Variants in PCBP3 observed in about 807,000 individuals in gnomAD.
PCBP3 encodes poly(rC) binding protein 3, also known as poly(rC)-binding protein 3.
Under a neutral mutation model 52.7 loss-of-function variants are expected in PCBP3, and 25 were observed. That is an observed-to-expected ratio of 0.47 (90% confidence interval 0.35 to 0.66). The LOEUF is 0.66. Among genes scored for constraint, PCBP3 ranks in the 30% least tolerant of loss-of-function variants. The pLI, the probability that PCBP3 is intolerant of heterozygous loss-of-function variation, is 0.01. For synonymous variants in PCBP3, 162 were observed against 183.0 expected (o/e 0.89, Z 0.93); for missense variants, 391 against 490.3 (o/e 0.80, Z 1.91).
chr21:45,814,216 T>C (rs2092762194), intron 4 of PCBP3, among the ~76,000 whole-genome samples: 1 of 152,224 alleles, frequency 6.6e-6, no homozygotes, highest in Non-Finnish European at 1.5e-5. Flanking sequence ...CACACCTGGG[T>C]AGGGCATTTA....
intron 4 of PCBP3, among the ~76,000 whole-genome samples, chr21:45,764,392 G>C (rs866757292): frequency 6.6e-6 from 1 of 152,228 alleles, no homozygotes; most frequent in South Asian, 2.1e-4. Flanking sequence ...AAAGTGCTGG[G>C]ATTACAGGCG....
chr21:45,672,795 T>C (rs1475044715), intron 2 of PCBP3, among the ~76,000 whole-genome samples: 1 of 152,188 alleles, frequency 6.6e-6, no homozygotes, highest in Admixed American at 6.5e-5. Flanking sequence ...TATCTTACTC[T>C]TGGGGAGCAG....
chr21:45,890,687 G>A lies in PCBP3; in HGVS notation c.11-5521G>A, dbSNP rs2095634094. ...AACCTAGAACTCTGCATTGCTGAGG[G>A]GAATATAGATAATAGAACCTGGAAC... On this transcript the variant is annotated intron_variant, in intron 5 of 17. Transcript: ENST00000681687. Among the ~76,000 whole-genome samples, 4 of 151,678 alleles carry A rather than the reference G, an allele frequency of 2.6e-5. No homozygotes were observed. The South Asian group carries it at 8.4e-4, about 32-fold the overall frequency.
At chr21:45,766,444 C>T (rs568724914) in intron 4 of PCBP3, among the ~76,000 whole-genome samples, 3 of 152,344 alleles carry the variant, frequency 2.0e-5, no homozygotes, top group Admixed American at 1.3e-4. Context: ...GTCTCTCTCT[C>T]TGCACCCATG....
intron 2 of PCBP3, among the ~76,000 whole-genome samples, chr21:45,733,580 C>T (rs1175868637): frequency 6.6e-6 from 1 of 151,372 alleles, no homozygotes; most frequent in Non-Finnish European, 1.5e-5. Context: ...CATGAGCCAC[C>T]GTGCCTGGCC....
At chr21:45,773,548 A>C (rs2090036297) in intron 4 of PCBP3, among the ~76,000 whole-genome samples, 2 of 152,158 alleles carry the variant, frequency 1.3e-5, no homozygotes, top group Non-Finnish European at 2.9e-5. Flanking sequence ...TTAAACCAGA[A>C]GCTTTGTGGT....
At chr21:45,770,091 A>G (rs978752902) in intron 4 of PCBP3, among the ~76,000 whole-genome samples, 3 of 152,196 alleles carry the variant, frequency 2.0e-5, no homozygotes, top group Non-Finnish European at 2.9e-5. Flanking sequence ...CGTGTTGGAC[A>G]TGGTGCATAA....
At position 45,817,748 on chromosome 21, in the gene PCBP3, A is replaced by G. The variant is rs1390423272; in HGVS notation, c.-125-32213A>G. ...TTTCTGTCCAATTCTTAAGGTTTTT[A>G]CTGTGGGATCATAAGTCCTTACTCC... On this transcript the variant is annotated intron_variant, in intron 4 of 17. Transcript: ENST00000681687. This position sits in a 1 kb window ranked among gnomAD's most constrained non-coding sequence, Gnocchi z 4.3. 6.6e-6 allele frequency among the ~76,000 whole-genome samples: 1 copy of G among 152,194 alleles called. No homozygotes were observed. Among genetic ancestry groups the G allele is most frequent in the Non-Finnish European group, 1.5e-5 (1 of 68,032 alleles).
At chr21:45,913,150 A>T (rs912919716) in intron 11 of PCBP3, among the ~76,000 whole-genome samples, 14 of 152,060 alleles carry the variant, frequency 9.2e-5, no homozygotes, top group African/African-American at 3.4e-4. Flanking sequence ...TAGACAGGGG[A>T]CTCACCCAGG....
chr21:45,731,322 A>G (rs1460129522), intron 2 of PCBP3, among the ~76,000 whole-genome samples: 1 of 152,208 alleles, frequency 6.6e-6, no homozygotes, highest in East Asian at 1.9e-4. Flanking sequence ...TCCCTGAACA[A>G]CGCTGAAAAC....
At position 45,853,171 on chromosome 21, in the gene PCBP3, G is replaced by C. The variant is rs2094118710; in HGVS notation, c.10+3076G>C. On this transcript the variant is annotated intron_variant, in intron 5 of 17. Transcript: ENST00000681687. The surrounding 1 kb of genome is among the most constrained non-coding windows in gnomAD (Gnocchi z 4.6). ...CTGGCATGCTGTCCTGCATCTCTGT[G>C]GTGACAAAATCTCCACGGGTTCATG... is the stretch of plus-strand genomic sequence containing the variant. Among the ~76,000 whole-genome samples, 1 of 152,186 alleles carries C rather than the reference G, an allele frequency of 6.6e-6. No individual in the cohort carries two copies. The highest frequency in any genetic ancestry group is 6.5e-5 in the Admixed American group (1 of 15,286).
At chr21:45,675,386 C>T (rs2147376924) in intron 2 of PCBP3, among the ~76,000 whole-genome samples, 1 of 152,302 alleles carries the variant, frequency 6.6e-6, no homozygotes, top group East Asian at 1.9e-4. Flanking sequence ...AGGGAACCCA[C>T]AGGCAAGGCC....
In PCBP3 at chr21:45,800,156, C is replaced by T. The variant is rs1166139078; in HGVS notation, c.-126+44704C>T. Among the ~76,000 whole-genome samples the T allele has an allele frequency of 6.6e-6, 1 of 152,204 alleles. No individual in the cohort carries two copies. Among genetic ancestry groups the T allele is most frequent in the Non-Finnish European group, 1.5e-5 (1 of 68,038 alleles). ...AGGCTGCAGGAGCACAGAGTAATGG[C>T]TGCAGGTGGGGCCTTCCAGAGGCAC... On this transcript the variant is annotated intron_variant, in intron 4 of 17. Coordinates refer to ENST00000681687, the MANE Select transcript of PCBP3 (RefSeq NM_001384156.1). The surrounding 1 kb of genome is among the most constrained non-coding windows in gnomAD (Gnocchi z 5.3).
At position 45,812,474 on chromosome 21, in the gene PCBP3, C is replaced by T. The variant is rs577297063; in HGVS notation, c.-125-37487C>T. ...AGGCTGGAGTGCAGTGGTGCCATCTCGGCTCACTGTAATCTCTGCCTCCCG... is the reference window on the plus strand; with the variant it reads ...AGGCTGGAGTGCAGTGGTGCCATCTTGGCTCACTGTAATCTCTGCCTCCCG... On this transcript the variant is annotated intron_variant, in intron 4 of 17. Transcript: ENST00000681687. Among the ~76,000 whole-genome samples, 75 of 152,132 alleles carry T rather than the reference C, an allele frequency of 4.9e-4. 1 individual carries two copies. Among genetic ancestry groups the T allele is most frequent in the Non-Finnish European group, 9.3e-4 (63 of 68,032 alleles).
intron 2 of PCBP3, among the ~76,000 whole-genome samples, chr21:45,698,976 T>C (rs566169043): frequency 6.6e-6 from 1 of 152,320 alleles, no homozygotes; most frequent in African/African-American, 2.4e-5. Flanking sequence ...TGTGAACACT[T>C]TTCTCCAATA....
Position 45,896,270 on chromosome 21 carries a change from C to T in PCBP3, c.73C>T (p.Pro25Ser). Residue 25 changes from proline to serine, a missense_variant, in exon 6 of 18, where the codon CCT (proline) becomes TCT (serine). Pro to Ser is a moderately conservative substitution (Grantham distance 74). Transcript: ENST00000681687. ...CACCCTCAGCACCTTAAGCCACCAC[C>T]CTCAGCCACAATTTGGCAGAAGGAT... ...HSTLSTLSHH[P>S]QPQFGRRMES... 6.4e-7 allele frequency: 1 copy of T among 1,552,244 alleles called. No homozygotes were observed. The highest frequency in any genetic ancestry group is 8.7e-7 in the Non-Finnish European group (1 of 1,147,102).
At chr21:45,727,395 G>A (rs1202753018) in intron 2 of PCBP3, among the ~76,000 whole-genome samples, 1 of 152,228 alleles carries the variant, frequency 6.6e-6, no homozygotes, top group Non-Finnish European at 1.5e-5. Flanking sequence ...GCTAAGACAT[G>A]AGACATAGAA....
intron 2 of PCBP3, among the ~76,000 whole-genome samples, chr21:45,730,679 G>A (rs902477207): frequency 1.3e-5 from 2 of 152,030 alleles, no homozygotes; most frequent in African/African-American, 4.8e-5. Context: ...ATTTGGTGGG[G>A]GGTTGCTTTA....
intron 1 of PCBP3, among the ~76,000 whole-genome samples, chr21:45,661,405 A>G (rs1238500328): frequency 2.0e-5 from 3 of 152,140 alleles, no homozygotes. Flanking sequence ...AAGTGAGAAT[A>G]TATGGTATTT....
Sources: allele counts gnomAD v4.1 joint callset (sites outside exome capture counted in the v4.1 genomes callset), GRCh38; gene constraint gnomAD v4.1.1; non-coding constraint Gnocchi (gnomAD v3.1); transcripts MANE v1.5; gene names NCBI Gene and HGNC (gene_info 2026-07-23, HGNC 2026-07-21).